The following SLC25A21 variants were observed in gnomAD, a reference collection of about 807,000 sequenced individuals.
SLC25A21 encodes the protein solute carrier family 25 member 21, also known as mitochondrial 2-oxodicarboxylate carrier.
A neutral mutation model predicts 43.8 loss-of-function variants in SLC25A21; 47 were observed. The observed-to-expected ratio is 1.07, with a 90% CI of 0.85 to 1.37. SLC25A21 has a LOEUF of 1.37. Ranked by LOEUF, SLC25A21 falls within the 40% of genes most tolerant of loss-of-function variation. The probability of loss-of-function intolerance (pLI) is 0.00; values close to 1 mark genes in which losing one functional copy is unlikely to be tolerated. For synonymous variants in SLC25A21, 131 were observed against 121.3 expected, an observed-to-expected ratio of 1.08 and a Z score of -0.52; for missense variants, 352 against 350.2, an observed-to-expected ratio of 1.00 and a Z score of -0.04.
chr14:37,104,072 G>A (rs1261632505), intron 1 of SLC25A21, among the ~76,000 whole-genome samples: 1 of 152,168 alleles, frequency 6.6e-6, no homozygotes. Context: ...AATGCCATAT[G>A]ACAAACTTCC....
chr14:36,756,384 T>G (rs1885929709), intron 3 of SLC25A21, among the ~76,000 whole-genome samples: 2 of 152,128 alleles, frequency 1.3e-5, no homozygotes, highest in South Asian at 4.1e-4. Context: ...GATGCATAAT[T>G]GAAGATGCAA....
At chr14:36,956,230 C>T (rs1456501898) in intron 1 of SLC25A21, among the ~76,000 whole-genome samples, 3 of 152,136 alleles carry the variant, frequency 2.0e-5, no homozygotes, top group Admixed American at 6.5e-5. Context: ...ATCCTTTCCC[C>T]GTCTGCTCTG....
intron 1 of SLC25A21, among the ~76,000 whole-genome samples, chr14:37,082,353 A>G (rs1162435338): frequency 1.3e-5 from 2 of 152,198 alleles, no homozygotes; most frequent in Non-Finnish European, 2.9e-5. Context: ...CCCATGTAAC[A>G]AATCTGCATC....
At chr14:36,764,617 CA>C (rs56318041) in intron 3 of SLC25A21, among the ~76,000 whole-genome samples, 28,690 of 124,200 alleles carry the variant, frequency 0.23, 3,039 homozygotes, top group East Asian at 0.31. Context: ...ACACACACTC[CA>C]AAAAAAAAAA....
At chr14:36,746,959 G>A (rs1885522658) in intron 3 of SLC25A21, among the ~76,000 whole-genome samples, 1 of 152,016 alleles carries the variant, frequency 6.6e-6, no homozygotes, top group South Asian at 2.1e-4. Flanking sequence ...TTATAGGTCT[G>A]ACACATAGTA....
At chr14:37,029,399 G>T (rs958975803) in intron 1 of SLC25A21, among the ~76,000 whole-genome samples, 1 of 152,024 alleles carries the variant, frequency 6.6e-6, no homozygotes, top group Non-Finnish European at 1.5e-5. Flanking sequence ...TATAAAGCTT[G>T]CTGTTGTTAC....
chr14:36,884,995 T>G lies in SLC25A21; in HGVS notation c.71-9991A>C, dbSNP rs371596736. Among the ~76,000 whole-genome samples the G allele has an allele frequency of 1.8e-3, 267 of 152,296 alleles. 1 individual carries two copies. Among genetic ancestry groups the G allele is most frequent in the African/African-American group, 6.1e-3 (255 of 41,578 alleles). On this transcript the variant is annotated intron_variant, in intron 1 of 9. Coordinates refer to ENST00000331299, the MANE Select transcript of SLC25A21 (RefSeq NM_030631.4). ...AGTTTGGCGCAATTCCATTTGTCTA[T>G]TTTTGCTTTTGCTGCCTGCGCTTTT...
intron 3 of SLC25A21, among the ~76,000 whole-genome samples, chr14:36,752,319 G>A (rs192905398): frequency 6.2e-4 from 94 of 152,320 alleles, no homozygotes; most frequent in Admixed American, 2.0e-3. Context: ...TGGTGCAGCT[G>A]CCATGGAAAA....
At chr14:36,852,746 C>T (rs1401222557) in intron 2 of SLC25A21, among the ~76,000 whole-genome samples, 5 of 151,978 alleles carry the variant, frequency 3.3e-5, no homozygotes, top group Admixed American at 6.6e-5. Context: ...AGGCACAATA[C>T]TTAAAATTTT....
chr14:36,725,082 T>C (rs963101331), intron 6 of SLC25A21: 4 of 152,294 alleles, frequency 2.6e-5, no homozygotes, highest in Non-Finnish European at 2.9e-5. Context: ...TTGCAGGAGA[T>C]ACTTGATTTT....
At chr14:36,805,752 T>C (rs1888015898) in intron 3 of SLC25A21, among the ~76,000 whole-genome samples, 1 of 152,212 alleles carries the variant, frequency 6.6e-6, no homozygotes, top group Non-Finnish European at 1.5e-5. Flanking sequence ...TTAAAGTTCT[T>C]AGCTACATAG....
chr14:37,021,693 G>C (rs961198289), intron 1 of SLC25A21, among the ~76,000 whole-genome samples: 2 of 151,890 alleles, frequency 1.3e-5, no homozygotes, highest in Admixed American at 1.3e-4. Context: ...AAAGTTGGGG[G>C]CAGGGGAGGA....
chr14:36,696,541 A>G (rs2139161320), intron 7 of SLC25A21, among the ~76,000 whole-genome samples: 1 of 152,202 alleles, frequency 6.6e-6, no homozygotes, highest in African/African-American at 2.4e-5. Flanking sequence ...CTGGTCCTGG[A>G]CTTTTTTTGG....
At chr14:36,770,692 T>C (rs1015043811) in intron 3 of SLC25A21, among the ~76,000 whole-genome samples, 3 of 152,146 alleles carry the variant, frequency 2.0e-5, no homozygotes, top group Non-Finnish European at 4.4e-5. Context: ...AATCCCCTAT[T>C]ACAACTGTTT....
At position 37,078,283 on chromosome 14, in the gene SLC25A21, T is replaced by C. The variant is rs527932603; in HGVS notation, c.70+93998A>G. On this transcript the variant is annotated intron_variant, in intron 1 of 9. Coordinates refer to ENST00000331299, the MANE Select transcript of SLC25A21 (RefSeq NM_030631.4). ...CCTGAGGTTTCACTGCTGGGTTAGC[T>C]GACATTCTTTCCTTCACTTCCCTAG... Among the ~76,000 whole-genome samples, 4 of 152,316 alleles carry C rather than the reference T, an allele frequency of 2.6e-5. No homozygotes were observed. In the East Asian group the frequency reaches 7.7e-4, roughly 29 times the overall value.
chr14:36,998,981 T>A (rs907064643), intron 1 of SLC25A21, among the ~76,000 whole-genome samples: 10 of 152,122 alleles, frequency 6.6e-5, no homozygotes, highest in African/African-American at 2.4e-4. Flanking sequence ...CATAGCCACT[T>A]TAGAAGACAG....
At chr14:37,099,077 A>G (rs897972702) in intron 1 of SLC25A21, among the ~76,000 whole-genome samples, 6 of 152,178 alleles carry the variant, frequency 3.9e-5, no homozygotes, top group Non-Finnish European at 7.4e-5. Context: ...TGCTGGGATT[A>G]CAGACATAAG....
chr14:36,958,668 TAAGCACAC>T (rs1162240100), intron 1 of SLC25A21, among the ~76,000 whole-genome samples: 2 of 136,336 alleles, frequency 1.5e-5, no homozygotes, highest in Non-Finnish European at 3.1e-5. Flanking sequence ...GATGTACACA[TAAGCACAC>T]GTGCACACAC....
intron 1 of SLC25A21, among the ~76,000 whole-genome samples, chr14:36,991,189 G>A (rs996722162): frequency 2.0e-5 from 3 of 152,164 alleles, no homozygotes; most frequent in African/African-American, 7.2e-5. Flanking sequence ...AAAGAGTGCT[G>A]GTTTCTGTAC....
Sources: gnomAD v4.1 joint callset for allele counts (sites outside exome capture counted in the v4.1 genomes callset) on GRCh38, gnomAD v4.1.1 for gene constraint, MANE v1.5 for transcripts, NCBI Gene and HGNC (gene_info 2026-07-23, HGNC 2026-07-21) for gene names.